Variants in KCNG2 observed in about 807,000 individuals in gnomAD.
KCNG2 encodes the protein voltage-gated potassium channel regulatory subunit KCNG2.
In KCNG2, 7 loss-of-function variants were observed where a neutral mutation model predicts 12.3. The ratio of observed to expected loss-of-function variants is 0.57; its 90% CI spans 0.32 to 1.07. The LOEUF (loss-of-function observed/expected upper bound fraction) is 1.07, where lower values mean the gene tolerates loss of function less well. Ranked by LOEUF, KCNG2 falls within the 50% of genes least tolerant of loss-of-function variation. The pLI is 0.04. For missense variants in KCNG2, 703 were observed against 726.0 expected (o/e 0.97, Z 0.36); for synonymous variants, 414 against 351.4 (o/e 1.18, Z -1.99).
chr18:79,883,328 G>C (rs1980393105), intron 3 of KCNG2, among the ~76,000 whole-genome samples: 1 of 152,202 alleles, frequency 6.6e-6, no homozygotes, highest in Non-Finnish European at 1.5e-5. Context: ...CTGCGTTTTC[G>C]CGGTAGTGGT....
At chr18:79,812,596 C>T (rs2087500096) in intron 1 of KCNG2, among the ~76,000 whole-genome samples, 1 of 152,240 alleles carries the variant, frequency 6.6e-6, no homozygotes, top group African/African-American at 2.4e-5. Context: ...CCTGGTGGCT[C>T]ACGCCTGTAA....
chr18:79,826,114 G>A (rs747707616), intron 1 of KCNG2, among the ~76,000 whole-genome samples: 1 of 152,258 alleles, frequency 6.6e-6, no homozygotes, highest in Non-Finnish European at 1.5e-5. Flanking sequence ...CTGACACACT[G>A]TGGGCGACAG....
intron 1 of KCNG2, among the ~76,000 whole-genome samples, chr18:79,821,478 C>T (rs1269936179): frequency 2.6e-5 from 4 of 151,832 alleles, no homozygotes; most frequent in African/African-American, 4.8e-5. Flanking sequence ...TTAGTAGAGA[C>T]GGGGTTTCAC....
intron 1 of KCNG2, among the ~76,000 whole-genome samples, chr18:79,848,897 A>G: frequency 6.6e-6 from 1 of 152,110 alleles, no homozygotes; most frequent in East Asian, 1.9e-4. Flanking sequence ...CTCGGTCCGC[A>G]TGGGGCCCTG....
intron 1 of KCNG2, among the ~76,000 whole-genome samples, chr18:79,832,923 G>A (rs1363869607): frequency 1.3e-5 from 2 of 151,920 alleles, no homozygotes; most frequent in Admixed American, 6.6e-5. Context: ...GAGTATAAAC[G>A]GCTGGGACGT....
chr18:79,816,814 G>A lies in KCNG2; in HGVS notation c.-115+18800G>A, dbSNP rs182551249. Among the ~76,000 whole-genome samples, 13 of 152,290 alleles carry A rather than the reference G, an allele frequency of 8.5e-5. No homozygotes were observed. In the East Asian group the frequency reaches 1.7e-3, roughly 20 times the overall value. On this transcript the variant is annotated intron_variant, in intron 1 of 3. Transcript: ENST00000316249. ...TCTGGGGTTAGCAGAGAAAGAAACC[G>A]GGGACCAGACACAACAGGTCACAAA...
In KCNG2 at chr18:79,884,876, G is replaced by T. The variant is rs11664834; in HGVS notation, c.625-14164G>T. On this transcript the variant is annotated intron_variant, in intron 3 of 3. Coordinates refer to ENST00000316249, the MANE Select transcript of KCNG2 (RefSeq NM_012283.2). The surrounding 1 kb of genome is among the most constrained non-coding windows in gnomAD (Gnocchi z 5.5). Reference sequence around the variant, plus strand: ...GAAACACAGTAGCGTGCGCGGGTCGGTGATGCAGCCAAGACACCATCCCTG... The same window carrying T: ...GAAACACAGTAGCGTGCGCGGGTCGTTGATGCAGCCAAGACACCATCCCTG... Among the ~76,000 whole-genome samples the T allele has an allele frequency of 0.34, 51,160 of 152,026 alleles. 10,652 individuals are homozygous for T. Among genetic ancestry groups the T allele is most frequent in the Non-Finnish European group, 0.47 (31,810 of 67,920 alleles).
At chr18:79,847,754 G>C (rs918425734) in intron 1 of KCNG2, among the ~76,000 whole-genome samples, 1 of 152,162 alleles carries the variant, frequency 6.6e-6, no homozygotes, top group Non-Finnish European at 1.5e-5. Flanking sequence ...ATGTAGAACC[G>C]CACTTGCTCT....
intron 3 of KCNG2, among the ~76,000 whole-genome samples, chr18:79,879,987 G>A (rs1300661131): frequency 6.6e-6 from 1 of 152,174 alleles, no homozygotes; most frequent in East Asian, 1.9e-4. Context: ...AGAAAAAAAT[G>A]TAATTGTAGA....
rs534997333 is a variant in KCNG2, at chr18:79,820,579, C to T, written c.-115+22565C>T. The stretch of plus-strand genomic sequence containing the variant: ...TTCATCTGCTTGCCGGGCATGTGTG[C>T]ATCTTCTTTGGAGAAAAGTCTGTTC... On this transcript the variant is annotated intron_variant, in intron 1 of 3. Transcript: ENST00000316249. Among the ~76,000 whole-genome samples, 9 of 152,292 alleles carry T rather than the reference C, an allele frequency of 5.9e-5. No homozygotes were observed. The East Asian group carries it at 1.4e-3, about 23-fold the overall frequency.
chr18:79,834,123 A>G (rs1038459310), intron 1 of KCNG2, among the ~76,000 whole-genome samples: 4 of 152,186 alleles, frequency 2.6e-5, no homozygotes, highest in African/African-American at 7.2e-5. Flanking sequence ...CGAGGTCGGT[A>G]TCAGTGAAGG....
At chr18:79,827,070 G>A (rs1236748422) in intron 1 of KCNG2, among the ~76,000 whole-genome samples, 2 of 152,362 alleles carry the variant, frequency 1.3e-5, no homozygotes, top group East Asian at 1.9e-4. Flanking sequence ...CGATGCAGGG[G>A]CCGGGCCGCG....
Position 79,899,534 on chromosome 18 carries a change from C to T in KCNG2, c.1119C>T (p.Gly373=), listed in dbSNP as rs577633000. The change falls in exon 4 of 4, where the codon GGC becomes GGT. Residue 373 remains glycine, a synonymous_variant. Coordinates refer to ENST00000316249, the MANE Select transcript of KCNG2 (RefSeq NM_012283.2). ...AVISMTTVGY[G]DMVPRSLPGQ... ...TCTCCATGACCACCGTGGGCTACGG[C>T]GACATGGTCCCGCGCAGCCTGCCCG... 2.4e-5 allele frequency: 39 copies of T among 1,606,364 alleles called. No homozygotes were observed. The South Asian group carries it at 3.9e-4, about 16-fold the overall frequency.
At chr18:79,818,592 A>T (rs552506596) in intron 1 of KCNG2, among the ~76,000 whole-genome samples, 1 of 152,256 alleles carries the variant, frequency 6.6e-6, no homozygotes, top group South Asian at 2.1e-4. Context: ...CCAGCCCATC[A>T]GTCGGGTCAC....
At chr18:79,853,033 C>T (rs376085615) in intron 1 of KCNG2, among the ~76,000 whole-genome samples, 59 of 152,318 alleles carry the variant, frequency 3.9e-4, no homozygotes, top group Non-Finnish European at 3.8e-4. Flanking sequence ...GTGTGCTGGA[C>T]GCCGAGAGCA....
At chr18:79,898,576 A>T (rs897756511) in intron 3 of KCNG2, among the ~76,000 whole-genome samples, 3 of 152,160 alleles carry the variant, frequency 2.0e-5, no homozygotes, top group Admixed American at 1.3e-4. Flanking sequence ...GGTGGGGTGG[A>T]GGTGGGGGTG....
chr18:79,814,205 A>G (rs985116124), intron 1 of KCNG2, among the ~76,000 whole-genome samples: 2 of 152,210 alleles, frequency 1.3e-5, no homozygotes, highest in Non-Finnish European at 2.9e-5. Flanking sequence ...TTCTGATAAA[A>G]CTAAACATGT....
rs558855657 is a variant in KCNG2, at chr18:79,850,657, G to A, written c.-114-5722G>A. Among the ~76,000 whole-genome samples the A allele has an allele frequency of 7.9e-5, 12 of 152,106 alleles. No individual in the cohort carries two copies. In the East Asian group the frequency reaches 1.7e-3, roughly 22 times the overall value. ...GTTATTGTTTCCTTTCCTGCTCGTC[G>A]TTTTGAGAATGCGTTTTGGCCTCTC... On this transcript the variant is annotated intron_variant, in intron 1 of 3. Coordinates refer to ENST00000316249, the MANE Select transcript of KCNG2 (RefSeq NM_012283.2).
intron 1 of KCNG2, among the ~76,000 whole-genome samples, chr18:79,832,714 A>T (rs548841744): frequency 1.4e-3 from 218 of 152,338 alleles, no homozygotes; most frequent in African/African-American, 5.0e-3. Flanking sequence ...TCCTGCTCTC[A>T]GGACCCTCGG....
Sources: allele counts gnomAD v4.1 joint callset (sites outside exome capture counted in the v4.1 genomes callset), GRCh38; gene constraint gnomAD v4.1.1; non-coding constraint Gnocchi (gnomAD v3.1); transcripts MANE v1.5; gene names NCBI Gene and HGNC (gene_info 2026-07-23, HGNC 2026-07-21).